Variants in MET observed in about 807,000 individuals in gnomAD.
The protein encoded by MET is MET proto-oncogene, receptor tyrosine kinase.
In MET, 48 loss-of-function variants were observed where a neutral mutation model predicts 133.1. The observed-to-expected ratio is 0.36, with a 90% CI of 0.29 to 0.46. The LOEUF (loss-of-function observed/expected upper bound fraction) is 0.46, where lower values mean the gene tolerates loss of function less well. Among genes scored for constraint, MET ranks in the 20% least tolerant of loss-of-function variants. The pLI is 1.00. For synonymous variants in MET, 628 were observed against 616.5 expected (o/e 1.02, Z -0.28); for missense variants, 1,442 against 1,695.9 (o/e 0.85, Z 2.63).
At chr7:116,763,345 T>G in intron 11 of MET, 77 bp downstream of exon 11, 1 of 1,305,020 alleles carries the variant, frequency 7.7e-7, no homozygotes, top group Non-Finnish European at 1.1e-6. Flanking sequence ...AATACAATTG[T>G]TGTACTTGGC....
chr7:116,749,414 C>T (rs1018239517), intron 5 of MET, among the ~76,000 whole-genome samples: 3 of 152,172 alleles, frequency 2.0e-5, no homozygotes, highest in South Asian at 2.1e-4. Context: ...AACACCCCTT[C>T]GTGCTAAAAA....
At chr7:116,733,011 C>T (rs192897975) in intron 3 of MET, among the ~76,000 whole-genome samples, 2 of 152,230 alleles carry the variant, frequency 1.3e-5, no homozygotes, top group Admixed American at 1.3e-4. Flanking sequence ...TCACATTGAA[C>T]TACGCCTTTT....
chr7:116,795,652 T>A lies in MET; in HGVS notation c.3799-3T>A, dbSNP rs1584977801. 6.2e-7 allele frequency: 1 copy of A among 1,613,784 alleles called. No homozygotes were observed. Among genetic ancestry groups the A allele is most frequent in the Non-Finnish European group, 8.5e-7 (1 of 1,180,014 alleles). On this transcript the variant is annotated splice_region_variant and splice_polypyrimidine_tract_variant and intron_variant, in intron 19 of 20. Coordinates refer to ENST00000397752, the MANE Select transcript of MET (RefSeq NM_000245.4). ...TCATCTGTCCTGTTTCTTGTTTTAC[T>A]AGTGGTCCTTTGGCGTGCTCCTCTG...
At chr7:116,763,316 T>G in intron 11 of MET, 48 bp downstream of exon 11, 1 of 1,512,110 alleles carries the variant, frequency 6.6e-7, no homozygotes, top group Non-Finnish European at 9.2e-7. Flanking sequence ...TCAAACTTAA[T>G]TGACTTCATA....
chr7:116,779,932 C>T lies in MET; in HGVS notation c.3522+975C>T, dbSNP rs555103956. Among the ~76,000 whole-genome samples the T allele has an allele frequency of 2.6e-5, 4 of 152,104 alleles. No individual in the cohort carries two copies. The East Asian group carries it at 7.7e-4, about 29-fold the overall frequency. On this transcript the variant is annotated intron_variant, in intron 17 of 20. Coordinates refer to ENST00000397752, the MANE Select transcript of MET (RefSeq NM_000245.4). ...GAATAGCACTGTAGTAGATAATAAA[C>T]AAATAAACAATAGCTATATAGATGT...
chr7:116,716,516 A>G lies in MET; in HGVS notation c.1201-15152A>G, dbSNP rs183594343. 5.4e-4 allele frequency among the ~76,000 whole-genome samples: 80 copies of G among 149,284 alleles called. 1 individual carries two copies. Among genetic ancestry groups the G allele is most frequent in the Non-Finnish European group, 3.7e-4 (25 of 66,814 alleles). Reference sequence around the variant, plus strand: ...AAGAAAGAAAGAAAGAAAGAAAGAAAGAAAGAAAGAAAGAAAGAAAGAAGA... The same window carrying G: ...AAGAAAGAAAGAAAGAAAGAAAGAAGGAAAGAAAGAAAGAAAGAAAGAAGA... On this transcript the variant is annotated intron_variant, in intron 2 of 20. Coordinates refer to ENST00000397752, the MANE Select transcript of MET (RefSeq NM_000245.4).
intron 5 of MET, among the ~76,000 whole-genome samples, chr7:116,754,627 C>T (rs1794053476): frequency 6.6e-6 from 1 of 151,436 alleles, no homozygotes; most frequent in Non-Finnish European, 1.5e-5. Flanking sequence ...TTGAGACCAG[C>T]TGGGCAACGT....
intron 17 of MET, 148 bp from the exon 18 acceptor site, chr7:116,781,840 A>G (rs946845607): frequency 6.2e-6 from 4 of 642,074 alleles, no homozygotes; most frequent in Admixed American, 2.5e-5. Context: ...GGCCTCTCAA[A>G]GTTCTGGGAT....
chr7:116,794,352 G>A (rs934255184), intron 19 of MET, among the ~76,000 whole-genome samples: 2 of 152,170 alleles, frequency 1.3e-5, no homozygotes, highest in South Asian at 4.1e-4. Context: ...TGATTGTTAA[G>A]ATTTTCAGAC....
intron 1 of MET, among the ~76,000 whole-genome samples, chr7:116,692,197 T>C (rs1368320405): frequency 1.3e-5 from 2 of 152,190 alleles, no homozygotes; most frequent in African/African-American, 4.8e-5. Context: ...TTTTGTCATC[T>C]GGAAACACAG....
At chr7:116,794,076 A>G (rs1231354604) in intron 19 of MET, among the ~76,000 whole-genome samples, 2 of 151,760 alleles carry the variant, frequency 1.3e-5, no homozygotes, top group Non-Finnish European at 2.9e-5. Flanking sequence ...GTACCCTACT[A>G]TTATCTCTTT....
At chr7:116,688,194 C>T (rs1796627444) in intron 1 of MET, among the ~76,000 whole-genome samples, 1 of 152,038 alleles carries the variant, frequency 6.6e-6, no homozygotes, top group African/African-American at 2.4e-5. Context: ...TTTCCAAACC[C>T]AGTATTTGAA....
intron 11 of MET, among the ~76,000 whole-genome samples, chr7:116,767,996 GTGTGTGTGTGTATACATA>G (rs1200935984): frequency 6.6e-6 from 1 of 150,560 alleles, no homozygotes; most frequent in Non-Finnish European, 1.5e-5. Flanking sequence ...GTGTGTGTGT[GTGTGTGTGTGTATACATA>G]TGTGTGTGTG....
intron 1 of MET, among the ~76,000 whole-genome samples, chr7:116,680,452 T>C (rs185442020): frequency 1.0e-3 from 158 of 152,298 alleles, no homozygotes; most frequent in African/African-American, 3.5e-3. Flanking sequence ...ACAATTCTTA[T>C]GCCATATATA....
rs118043302 is a variant in MET at position 116,792,641 on chromosome 7, T to G, written c.3799-3014T>G. Among the ~76,000 whole-genome samples the G allele has an allele frequency of 4.3e-3, 655 of 152,272 alleles. 3 individuals carry two copies. The highest frequency in any genetic ancestry group is 0.017 in the Middle Eastern group (5 of 294). ...CAATACAATGCTCTTCCTGGAAACC[T>G]TCTTCCTCTTACCTCCCTGTCCCGT... On this transcript the variant is annotated intron_variant, in intron 19 of 20. Coordinates refer to ENST00000397752, the MANE Select transcript of MET (RefSeq NM_000245.4).
At chr7:116,684,952 A>G (rs1796494450) in intron 1 of MET, among the ~76,000 whole-genome samples, 2 of 152,198 alleles carry the variant, frequency 1.3e-5, no homozygotes, top group Non-Finnish European at 2.9e-5. Context: ...GTATGAAGTG[A>G]CACTGCCCTG....
intron 13 of MET, 85 bp downstream of exon 13, chr7:116,771,739 C>G (rs2116994277): frequency 6.2e-7 from 1 of 1,606,588 alleles, no homozygotes; most frequent in Non-Finnish European, 8.5e-7. Flanking sequence ...TTCTTGTGTG[C>G]TGTCTTATAT....
intron 1 of MET, among the ~76,000 whole-genome samples, chr7:116,685,435 T>C (rs1258223955): frequency 6.6e-6 from 1 of 152,122 alleles, no homozygotes; most frequent in Non-Finnish European, 1.5e-5. Flanking sequence ...CCCAGCACTT[T>C]GGGAGGCTGA....
chr7:116,721,921 G>A (rs1301682613), intron 2 of MET, among the ~76,000 whole-genome samples: 2 of 151,862 alleles, frequency 1.3e-5, no homozygotes, highest in Non-Finnish European at 2.9e-5. Context: ...GGTCAATTTT[G>A]GAATAGGTGT....
Sources: gnomAD v4.1 joint callset for allele counts (sites outside exome capture counted in the v4.1 genomes callset) on GRCh38, gnomAD v4.1.1 for gene constraint, MANE v1.5 for transcripts, NCBI Gene and HGNC (gene_info 2026-07-23, HGNC 2026-07-21) for gene names.